PEG3: variants seen among roughly 807,000 people sequenced by gnomAD.
PEG3 encodes the protein paternally expressed 3, also known as paternally-expressed gene 3 protein.
PEG3 carries 23 observed loss-of-function variants against 35.5 expected under a neutral mutation model. The observed-to-expected ratio is 0.65, with a 90% CI of 0.47 to 0.92. PEG3 has a LOEUF of 0.92. PEG3 is among the 40% of genes least tolerant of loss of function. PEG3 has a pLI of 0.00. For synonymous variants in PEG3, 707 were observed against 697.0 expected (o/e 1.01, Z -0.23); for missense variants, 1,960 against 1,985.3 (o/e 0.99, Z 0.24).
At chr19:56,819,473 T>C (rs1350242781) in intron 7 of PEG3, among the ~76,000 whole-genome samples, 1 of 152,180 alleles carries the variant, frequency 6.6e-6, no homozygotes, top group Non-Finnish European at 1.5e-5. Flanking sequence ...GAGGGCTGAC[T>C]AGAACTGGTT....
rs1405777074 is a variant in PEG3, at chr19:56,813,239, C to T, written c.*436G>A. Reference sequence around the variant, plus strand: ...AATTCAAAGAATACCAGGTAAGGTACCTCTGCAGAGTAAACTGTAACTGTA... The same window carrying T: ...AATTCAAAGAATACCAGGTAAGGTATCTCTGCAGAGTAAACTGTAACTGTA... On this transcript the variant is annotated 3_prime_UTR_variant, in exon 10 of 10. Transcript: ENST00000326441. 2.0e-6 allele frequency: 2 copies of T among 979,702 alleles called. No homozygotes were observed. The highest frequency in any genetic ancestry group is 2.4e-6 in the Non-Finnish European group (2 of 824,628). 60.7% of individuals were successfully genotyped at this position (979,702 alleles called of 1,614,324 possible).
chr19:56,833,451 C>A, intron 2 of PEG3: 1 of 325,080 alleles, frequency 3.1e-6, no homozygotes, highest in Non-Finnish European at 6.0e-6. Context: ...CTTCAGCACG[C>A]ACATGGAGTA....
intron 8 of PEG3, among the ~76,000 whole-genome samples, chr19:56,818,372 C>CTGCTTGTCCCCACCCTGTACAA (rs2060176781): frequency 1.3e-5 from 2 of 152,218 alleles, no homozygotes; most frequent in African/African-American, 4.8e-5. Flanking sequence ...AAGCATCTCC[C>CTGCTTGTCCCCACCCTGTACAA]TGCTTGTCCC....
In PEG3 at chr19:56,821,687, G is replaced by A. The variant is rs139404296; in HGVS notation, c.633C>T (p.Asp211=). 2.9e-5 allele frequency: 47 copies of A among 1,613,910 alleles called. No homozygotes were observed. The highest frequency in any genetic ancestry group is 3.3e-4 in the Middle Eastern group (2 of 6,084). The stretch of plus-strand genomic sequence containing the variant: ...ACTCATAAGCCCTGGAGTCCCTGTC[G>A]TCCTCTCTGTCCATTTCAAAGCTTG... The part of the protein sequence containing the change: ...AKTSFEMDRE[D]DRDSRAYESR... Residue 211 remains aspartate, a synonymous_variant, in exon 7 of 10, where the codon GAC becomes GAT. Coordinates refer to ENST00000326441, the MANE Select transcript of PEG3 (RefSeq NM_006210.3).
intron 1 of PEG3, among the ~76,000 whole-genome samples, chr19:56,838,333 GGCGCCT>G (rs1288604821): frequency 6.6e-6 from 1 of 152,204 alleles, no homozygotes; most frequent in African/African-American, 2.4e-5. Flanking sequence ...CACTCAAGAT[GGCGCCT>G]GCGCAATCAA....
At chr19:56,838,591 G>GA (rs1354485336) in intron 1 of PEG3, among the ~76,000 whole-genome samples, 1 of 152,224 alleles carries the variant, frequency 6.6e-6, no homozygotes, top group African/African-American at 2.4e-5. Flanking sequence ...AACAACAGGG[G>GA]AAGGGGTGAG....
chr19:56,829,734 C>T (rs2061404731), intron 2 of PEG3, among the ~76,000 whole-genome samples: 1 of 152,248 alleles, frequency 6.6e-6, no homozygotes, highest in Non-Finnish European at 1.5e-5. Context: ...GGGCAACTAG[C>T]AGTGGGGCCA....
chr19:56,830,279 T>C (rs117895878), intron 2 of PEG3, among the ~76,000 whole-genome samples: 6,651 of 152,330 alleles, frequency 0.044, 216 homozygotes, highest in Non-Finnish European at 0.07. Flanking sequence ...GCCCATGATC[T>C]TGAAAGGCTA....
chr19:56,816,897 A>G lies in PEG3; in HGVS notation c.1545T>C (p.Asn515=). Residue 515 remains asparagine (N), a synonymous_variant, in exon 10 of 10, where the codon AAT becomes AAC. Transcript: ENST00000326441. ...GATGTTCAGCCAAGGCGGCACTCTTATTGAAGGTCTCTCCACAGTCCTTAC... is the reference window on the plus strand; with the variant it reads ...GATGTTCAGCCAAGGCGGCACTCTTGTTGAAGGTCTCTCCACAGTCCTTAC... The part of the protein sequence containing the change: ...FECKDCGETF[N]KSAALAEHRK... The G allele has an allele frequency of 6.2e-7, 1 of 1,614,186 alleles. No individual in the cohort carries two copies.
At chr19:56,839,551 T>A (rs2062713791) in intron 1 of PEG3, among the ~76,000 whole-genome samples, 1 of 142,456 alleles carries the variant, frequency 7.0e-6, no homozygotes, top group Admixed American at 6.9e-5. Flanking sequence ...AAACATGGCG[T>A]CAAAGCGGGC....
chr19:56,838,694 ACT>A (rs2062522121), intron 1 of PEG3, among the ~76,000 whole-genome samples: 1 of 152,044 alleles, frequency 6.6e-6, no homozygotes, highest in South Asian at 2.1e-4. Context: ...GCTAAGGCAA[ACT>A]CTTTAGGCAC....
At chr19:56,833,283 T>C in intron 2 of PEG3, 2 of 433,126 alleles carry the variant, frequency 4.6e-6, no homozygotes, top group South Asian at 3.3e-5. Flanking sequence ...TAACTCGTTC[T>C]ACCTACCTCA....
chr19:56,817,120 T>C lies in PEG3; in HGVS notation c.1322A>G (p.Glu441Gly). The C allele has an allele frequency of 6.2e-7, 1 of 1,614,112 alleles. No homozygotes were observed. The highest frequency in any genetic ancestry group is 8.5e-7 in the Non-Finnish European group (1 of 1,179,990). Residue 441 changes from glutamate to glycine, a missense_variant, in exon 10 of 10, where the codon GAG (glutamate) becomes GGG (glycine). By Grantham distance (98) the Glu-to-Gly change is moderately conservative. Transcript: ENST00000326441. ...LSSLSSPSFT[E>G]SQPIDFGAMP... is the part of the protein sequence containing the mutation. ...TGCCCCAAAATCAATTGGCTGTGACTCGGTAAAGGAGGGGGAGCTGAGGCT... is the reference window on the plus strand; with the variant it reads ...TGCCCCAAAATCAATTGGCTGTGACCCGGTAAAGGAGGGGGAGCTGAGGCT...
intron 6 of PEG3, 159 bp downstream of exon 6, chr19:56,822,594 G>T: frequency 1.1e-6 from 1 of 933,450 alleles, no homozygotes; most frequent in Non-Finnish European, 1.6e-6. Context: ...GTACCGAGTG[G>T]AACTTCAAAA....
In PEG3 at chr19:56,816,596, C is replaced by T. The variant is rs200650380; in HGVS notation, c.1846G>A (p.Glu616Lys). ...ETFRPSPALNEFQKMYGKEKM... is the reference protein window; with the variant it reads ...ETFRPSPALNKFQKMYGKEKM... Reference sequence around the variant, plus strand: ...TCTTTACCATACATTTTCTGAAACTCATTAAGGGCTGGGCTGGGCCTAAAG... The same window carrying T: ...TCTTTACCATACATTTTCTGAAACTTATTAAGGGCTGGGCTGGGCCTAAAG... The change falls in exon 10 of 10, where the codon GAG becomes AAG. Residue 616 changes from glutamate (E) to lysine (K), a missense_variant. By Grantham distance (56) the Glu-to-Lys change is moderately conservative (BLOSUM62 1). Transcript: ENST00000326441. 3.0e-5 allele frequency: 49 copies of T among 1,613,836 alleles called. No homozygotes were observed. Among genetic ancestry groups the T allele is most frequent in the Non-Finnish European group, 2.1e-5 (25 of 1,179,934 alleles).
rs2059847776 is a variant in PEG3 at position 56,815,079 on chromosome 19, G to A, written c.3363C>T (p.Asp1121=). The change falls in exon 10 of 10, where the codon GAC becomes GAT. Residue 1121 remains aspartate (D), a synonymous_variant. Coordinates refer to ENST00000326441, the MANE Select transcript of PEG3 (RefSeq NM_006210.3). The part of the protein sequence containing the change: ...DCGLGFVDLT[D]LTDHQKVHSR... Reference sequence around the variant, plus strand: ...TGTGGACTTTCTGATGGTCTGTGAGGTCTGTGAGATCCACAAAGCCCAGGC... The same window carrying A: ...TGTGGACTTTCTGATGGTCTGTGAGATCTGTGAGATCCACAAAGCCCAGGC... 5.0e-6 allele frequency: 8 copies of A among 1,613,896 alleles called. No homozygotes were observed. Among genetic ancestry groups the A allele is most frequent in the Non-Finnish European group, 6.8e-6 (8 of 1,179,824 alleles).
chr19:56,810,507 T>A lies in PEG3; in HGVS notation c.*3168A>T, dbSNP rs1038743534. On this transcript the variant is annotated 3_prime_UTR_variant, in exon 10 of 10. Coordinates refer to ENST00000326441, the MANE Select transcript of PEG3 (RefSeq NM_006210.3). The stretch of plus-strand genomic sequence containing the variant: ...TCAAGATGTTAACAGTTAATTGTTG[T>A]TGGGTGTTGGGAATATGTGTGAATT... 1 of 984,796 alleles carries A rather than the reference T, an allele frequency of 1.0e-6. No homozygotes were observed. Among genetic ancestry groups the A allele is most frequent in the Non-Finnish European group, 1.2e-6 (1 of 829,458 alleles). 61.0% of individuals were successfully genotyped at this position (984,796 alleles called of 1,614,324 possible). A position where few individuals can be genotyped will look rare whatever the true frequency, so the allele number is the denominator to read the frequency against.
At chr19:56,840,049 C>G (rs777081591) in intron 1 of PEG3, among the ~76,000 whole-genome samples, 1 of 152,234 alleles carries the variant, frequency 6.6e-6, no homozygotes, top group Non-Finnish European at 1.5e-5. Context: ...AGAGGGTAGC[C>G]GGGCACGCCG....
chr19:56,812,053 T>C lies in PEG3; in HGVS notation c.*1622A>G. On this transcript the variant is annotated 3_prime_UTR_variant, in exon 10 of 10. Transcript: ENST00000326441. The stretch of plus-strand genomic sequence containing the variant: ...CAGAAGAGTAAGATTCAGACACATT[T>C]CCCCCAGTGGGTACTTTAATTTTGC... The C allele has an allele frequency of 2.0e-6, 2 of 983,818 alleles. No individual in the cohort carries two copies. The highest frequency in any genetic ancestry group is 2.4e-6 in the Non-Finnish European group (2 of 828,504). 60.9% of individuals were successfully genotyped at this position (983,818 alleles called of 1,614,324 possible).
Sources: allele counts gnomAD v4.1 joint callset (sites outside exome capture counted in the v4.1 genomes callset), GRCh38; gene constraint gnomAD v4.1.1; transcripts MANE v1.5; gene names NCBI Gene and HGNC (gene_info 2026-07-23, HGNC 2026-07-21).